CDH3: variants seen among roughly 807,000 people sequenced by gnomAD.
The protein encoded by CDH3 is cadherin 3.
CDH3 carries 54 observed loss-of-function variants against 82.0 expected under a neutral mutation model. The ratio of observed to expected loss-of-function variants is 0.66; its 90% CI spans 0.53 to 0.83. The LOEUF (loss-of-function observed/expected upper bound fraction) is 0.83, where lower values mean the gene tolerates loss of function less well. Among genes scored for constraint, CDH3 ranks in the 40% least tolerant of loss-of-function variants. The pLI is 0.00. For synonymous variants in CDH3, 446 were observed against 437.9 expected, an observed-to-expected ratio of 1.02 and a Z score of -0.23; for missense variants, 1,054 against 1,084.6, an observed-to-expected ratio of 0.97 and a Z score of 0.40.
chr16:68,662,104 A>G (rs1253880971), intron 2 of CDH3, among the ~76,000 whole-genome samples: 1 of 152,188 alleles, frequency 6.6e-6, no homozygotes. Context: ...GGGTTGAGGG[A>G]AATTTCCCTG....
intron 15 of CDH3, 112 bp downstream of exon 15, chr16:68,696,035 C>A: frequency 9.1e-7 from 1 of 1,101,038 alleles, no homozygotes; most frequent in Non-Finnish European, 1.3e-6. Context: ...ATTCTGACTC[C>A]ACCACCAACC....
intron 11 of CDH3, chr16:68,686,317 C>T (rs1345329926): frequency 4.8e-6 from 4 of 834,946 alleles, no homozygotes; most frequent in Non-Finnish European, 8.1e-6. Context: ...CAGGGTCAGA[C>T]CGCATGTCTC....
At chr16:68,671,773 T>C (rs3118232) in intron 2 of CDH3, among the ~76,000 whole-genome samples, 135,920 of 152,066 alleles carry the variant, frequency 0.89, 61,101 homozygotes, top group African/African-American at 0.98. Flanking sequence ...CCGCCCATCT[T>C]GCCCTCCGAA....
chr16:68,700,726 C>T (rs1429167614), downstream of CDH3, among the ~76,000 whole-genome samples: 5 of 152,138 alleles, frequency 3.3e-5, no homozygotes, highest in Admixed American at 1.3e-4. Flanking sequence ...CTGGGTGTGG[C>T]GCCTATAATC....
the CDH3 span, among the ~76,000 whole-genome samples, chr16:68,732,701 G>A: frequency 6.6e-6 from 1 of 152,270 alleles, no homozygotes; most frequent in Admixed American, 6.5e-5. Context: ...GAAAGCAATG[G>A]GCCTTATCAC....
At chr16:68,701,998 T>TG (rs2152108869), downstream of CDH3, among the ~76,000 whole-genome samples, 1 of 152,056 alleles carries the variant, frequency 6.6e-6, no homozygotes, top group South Asian at 2.1e-4. Context: ...CACTCCAGCC[T>TG]GGGCAACAAG....
chr16:68,731,368 CAAAAAAAAAAAAAA>C (rs869074059), downstream of CDH3, among the ~76,000 whole-genome samples: 24 of 2,260 alleles, frequency 0.011, no homozygotes, highest in African/African-American at 0.02. Flanking sequence ...AACTCCGTCT[CAAAAAAAAAAAAAA>C]AAAAAAAAAA....
chr16:68,687,824 C>T (rs1961459449), intron 12 of CDH3, 88 bp downstream of exon 12: 1 of 903,806 alleles, frequency 1.1e-6, no homozygotes, highest in Non-Finnish European at 1.8e-6. Context: ...ACGTTCCTAT[C>T]CTAGCATCTT....
rs527641970 is a variant in CDH3 at position 68,669,380 on chromosome 16, C to T, written c.161-7005C>T. On this transcript the variant is annotated intron_variant, in intron 2 of 15. Transcript: ENST00000264012. ...GCTCCTCAGATGTATCTGGAATATG[C>T]ACCCTGAGTGGGAGGCACATACACC... Among the ~76,000 whole-genome samples, 10 of 152,290 alleles carry T rather than the reference C, an allele frequency of 6.6e-5. No homozygotes were observed. In the South Asian group the frequency reaches 1.9e-3, roughly 28 times the overall value.
chr16:68,645,796 C>T (rs1222385107), intron 2 of CDH3, 46 bp downstream of exon 2: 2 of 1,440,682 alleles, frequency 1.4e-6, no homozygotes, highest in Admixed American at 2.0e-5. Context: ...CGCACGTGAC[C>T]ATTTTGGTGT....
chr16:68,712,502 G>C (rs908667986), intron 1 of CDH3, among the ~76,000 whole-genome samples: 2 of 152,050 alleles, frequency 1.3e-5, no homozygotes, highest in African/African-American at 4.8e-5. Context: ...GTAGTCTATG[G>C]GTACATTTTC....
intron 2 of CDH3, among the ~76,000 whole-genome samples, chr16:68,664,348 T>C (rs867875381): frequency 6.6e-6 from 1 of 152,142 alleles, no homozygotes; most frequent in African/African-American, 2.4e-5. Flanking sequence ...ATTTTTGATA[T>C]GTGGTCTGAA....
intron 1 of CDH3, among the ~76,000 whole-genome samples, chr16:68,718,355 C>A (rs867776026): frequency 2.6e-5 from 4 of 151,944 alleles, no homozygotes; most frequent in Admixed American, 1.3e-4. Flanking sequence ...GTTATAGCAA[C>A]GTAAAACAGA....
chr16:68,654,286 T>C (rs1310028184), intron 2 of CDH3, among the ~76,000 whole-genome samples: 6 of 149,094 alleles, frequency 4.0e-5, no homozygotes, highest in African/African-American at 1.2e-4. Context: ...ATCTCGATCT[T>C]CTGACCTTGT....
intron 9 of CDH3, among the ~76,000 whole-genome samples, chr16:68,684,197 A>C (rs537389660): frequency 1.3e-5 from 2 of 152,280 alleles, no homozygotes; most frequent in African/African-American, 4.8e-5. Context: ...AAGCCACTGC[A>C]CTTGAGCCTG....
chr16:68,678,250 G>A lies in CDH3; in HGVS notation c.363G>A (p.Lys121=), dbSNP rs1184352780. ...VAPISVPENG[K]GPFPQRLNQL... Reference sequence around the variant, plus strand: ...CAATATCTGTCCCTGAAAATGGCAAGGGTCCCTTCCCCCAGAGACTGAATC... The same window carrying A: ...CAATATCTGTCCCTGAAAATGGCAAAGGTCCCTTCCCCCAGAGACTGAATC... Residue 121 remains lysine, a synonymous_variant, in exon 4 of 16, where the codon AAG becomes AAA. Transcript: ENST00000264012. 1.2e-6 allele frequency: 2 copies of A among 1,614,142 alleles called. No individual in the cohort carries two copies. The highest frequency in any genetic ancestry group is 1.1e-5 in the South Asian group (1 of 91,078).
intron 2 of CDH3, among the ~76,000 whole-genome samples, chr16:68,650,234 C>T (rs1048869578): frequency 2.6e-5 from 4 of 152,110 alleles, no homozygotes; most frequent in Admixed American, 6.5e-5. Flanking sequence ...GTCAGGTCCC[C>T]TCTCCTAGGG....
rs554609468 is a variant in CDH3, at chr16:68,658,067, T to C, written c.160+12317T>C. ...ATCTCCCAGTCTTTTTCTTTCTTTT[T>C]TTTTTTTTTTTTTTTAGAGACAGGG... On this transcript the variant is annotated intron_variant, in intron 2 of 15. Transcript: ENST00000264012. Among the ~76,000 whole-genome samples the C allele has an allele frequency of 8.8e-3, 1,316 of 149,450 alleles. 21 individuals carry two copies. The highest frequency in any genetic ancestry group is 0.028 in the African/African-American group (1,156 of 40,748).
intron 1 of CDH3, among the ~76,000 whole-genome samples, chr16:68,713,544 G>A (rs753976626): frequency 1.3e-5 from 2 of 152,026 alleles, no homozygotes; most frequent in Non-Finnish European, 2.9e-5. Flanking sequence ...GATTGCAGGA[G>A]CCTCCCAGCT....
Sources: gnomAD v4.1 joint callset for allele counts (sites outside exome capture counted in the v4.1 genomes callset) on GRCh38, gnomAD v4.1.1 for gene constraint, MANE v1.5 for transcripts, NCBI Gene and HGNC (gene_info 2026-07-23, HGNC 2026-07-21) for gene names.